PCNX4: variants seen among roughly 807,000 people sequenced by gnomAD.
The protein encoded by PCNX4 is pecanex 4.
In PCNX4, 103 loss-of-function variants were observed where a neutral mutation model predicts 107.2. That is an observed-to-expected ratio of 0.96 (90% CI 0.82 to 1.13). The LOEUF (loss-of-function observed/expected upper bound fraction) is 1.13, where lower values mean the gene tolerates loss of function less well. Among genes scored for constraint, PCNX4 ranks in the 50% most tolerant of loss-of-function variants. The pLI, the probability that PCNX4 is intolerant of heterozygous loss-of-function variation, is 0.00. For missense variants in PCNX4, 1,528 were observed against 1,379.4 expected (o/e 1.11, Z -1.71); for synonymous variants, 541 against 481.7 (o/e 1.12, Z -1.61).
intron 1 of PCNX4, among the ~76,000 whole-genome samples, chr14:60,095,190 A>G (rs754907017): frequency 5.9e-5 from 9 of 152,208 alleles, no homozygotes; most frequent in Non-Finnish European, 1.0e-4. Context: ...CACAATTGTC[A>G]TGTAAGAGGT....
chr14:60,120,697 A>G (rs1489217700), intron 7 of PCNX4, among the ~76,000 whole-genome samples: 2 of 152,214 alleles, frequency 1.3e-5, no homozygotes, highest in African/African-American at 2.4e-5. Context: ...GCTGTTTGCC[A>G]TAGATGTGGG....
At chr14:60,108,349 T>G (rs766379879) in intron 2 of PCNX4, 22 bp downstream of exon 2, 3 of 1,529,374 alleles carry the variant, frequency 2.0e-6, no homozygotes, top group Non-Finnish European at 2.7e-6. Flanking sequence ...CCAAATACTT[T>G]GTAACTAACT....
At chr14:60,113,524 A>C (rs1895779908) in intron 2 of PCNX4, among the ~76,000 whole-genome samples, 1 of 151,884 alleles carries the variant, frequency 6.6e-6, no homozygotes, top group Non-Finnish European at 1.5e-5. Flanking sequence ...ACCCACCACC[A>C]CACCCAGCTA....
intron 1 of PCNX4, among the ~76,000 whole-genome samples, chr14:60,103,159 T>G (rs1895565171): frequency 1.3e-5 from 2 of 152,180 alleles, no homozygotes; most frequent in Admixed American, 1.3e-4. Context: ...CCTCCTTAAC[T>G]GGCATACCCT....
intron 1 of PCNX4, among the ~76,000 whole-genome samples, chr14:60,097,498 G>C (rs761152383): frequency 6.6e-6 from 1 of 152,198 alleles, no homozygotes; most frequent in African/African-American, 2.4e-5. Flanking sequence ...GTAGCATTTT[G>C]CTTAATTATT....
chr14:60,117,642 C>T (rs1938004452), intron 6 of PCNX4, among the ~76,000 whole-genome samples: 1 of 152,152 alleles, frequency 6.6e-6, no homozygotes, highest in Admixed American at 6.5e-5. Context: ...ATATCCTTCT[C>T]TGGCCAGACA....
At position 60,118,477 on chromosome 14, in the gene PCNX4, T is replaced by C; in HGVS notation, c.1727T>C (p.Val576Ala). ...CILNIVFSPF[V>A]LVIIVFSTLL... is the part of the protein sequence containing the mutation. ...CTCAACATTGTCTTTTCTCCATTCG[T>C]GTTGGTCATCATAGTTTTTTCTACA... Residue 576 changes from valine (V) to alanine (A), a missense_variant, in exon 7 of 11, where the codon GTG becomes GCG. By Grantham distance (64) the Val-to-Ala change is moderately conservative (BLOSUM62 0). Coordinates refer to ENST00000406854, the MANE Select transcript of PCNX4 (RefSeq NM_001330177.2). 1 of 1,613,722 alleles carries C rather than the reference T, an allele frequency of 6.2e-7. No homozygotes were observed.
At chr14:60,106,349 G>A (rs1895628936) in intron 1 of PCNX4, among the ~76,000 whole-genome samples, 1 of 152,048 alleles carries the variant, frequency 6.6e-6, no homozygotes, top group Admixed American at 6.6e-5. Context: ...CTATGTAAAT[G>A]CTATATAAAT....
chr14:60,101,878 C>A (rs754458962), intron 1 of PCNX4, among the ~76,000 whole-genome samples: 2 of 152,048 alleles, frequency 1.3e-5, no homozygotes, highest in Non-Finnish European at 2.9e-5. Context: ...TATAGACATA[C>A]AACGGACTAT....
chr14:60,095,979 C>T (rs545276887), intron 1 of PCNX4, among the ~76,000 whole-genome samples: 1 of 152,168 alleles, frequency 6.6e-6, no homozygotes, highest in African/African-American at 2.4e-5. Context: ...CCTTTCAGTT[C>T]ATTGACATAT....
chr14:60,117,677 G>A (rs1457869219), intron 6 of PCNX4, among the ~76,000 whole-genome samples: 2 of 152,122 alleles, frequency 1.3e-5, no homozygotes, highest in Non-Finnish European at 2.9e-5. Context: ...TTTAATCCCA[G>A]CACTTTGGGA....
chr14:60,107,610 TG>T lies in PCNX4; in HGVS notation c.-28del, dbSNP rs772423354. The T allele has an allele frequency of 6.5e-7, 1 of 1,545,962 alleles. No individual in the cohort carries two copies. The highest frequency in any genetic ancestry group is 2.0e-5 in the Admixed American group (1 of 50,728). On this transcript the variant is annotated 5_prime_UTR_variant, in exon 2 of 11. An upstream start codon of the reference 5' UTR is lost. Transcript: ENST00000406854. The stretch of plus-strand genomic sequence containing the variant: ...GAAACTGCTGTGTTACAGAAAAGCA[TG>T]TGACTTTCAGAATAATCCCGAGTGA...
In PCNX4 at chr14:60,114,827, G is replaced by A. The variant is rs746699140; in HGVS notation, c.817G>A (p.Glu273Lys). ...CGATGCACTTCTCTTATGGGCAATG[G>A]AGCAGGTTTTAGAGTTCGGCCTTGG... ...PPDALLLWAM[E>K]QVLEFGLGGS... The change falls in exon 3 of 11, where the codon GAG becomes AAG. Residue 273 changes from glutamate to lysine, a missense_variant. Coordinates refer to ENST00000406854, the MANE Select transcript of PCNX4 (RefSeq NM_001330177.2). 6.2e-7 allele frequency: 1 copy of A among 1,613,794 alleles called. No homozygotes were observed. Among genetic ancestry groups the A allele is most frequent in the South Asian group, 1.1e-5 (1 of 91,056 alleles).
In PCNX4 at chr14:60,141,675, G is replaced by C. The variant is rs1896307672; in HGVS notation, c.*7454G>C. The C allele has an allele frequency of 6.6e-6, 1 of 152,182 alleles. No homozygotes were observed. The highest frequency in any genetic ancestry group is 6.5e-5 in the Admixed American group (1 of 15,280). The allele number at this position is 152,182 out of a possible 1,614,324, so 9.4% of individuals were successfully genotyped here. A position where few individuals can be genotyped will look rare whatever the true frequency, so the allele number is the denominator to read the frequency against. On this transcript the variant is annotated 3_prime_UTR_variant, in exon 11 of 11. Coordinates refer to ENST00000406854, the MANE Select transcript of PCNX4 (RefSeq NM_001330177.2). ...GACCCAGATGCCCTGGCTTCTTTGA[G>C]GTTCTTCCATGTTGTTTTATGTATC...
At position 60,136,826 on chromosome 14, in the gene PCNX4, G is replaced by A. The variant is rs532792379; in HGVS notation, c.*2605G>A. On this transcript the variant is annotated 3_prime_UTR_variant, in exon 11 of 11. Coordinates refer to ENST00000406854, the MANE Select transcript of PCNX4 (RefSeq NM_001330177.2). ...ACTTTGCCCAGCAAGATATGATAGG[G>A]ATATTTCTTAGGTTGGGCCTTTTTC... The A allele has an allele frequency of 1.3e-5, 2 of 152,570 alleles. No individual in the cohort carries two copies. The highest frequency in any genetic ancestry group is 2.9e-5 in the Non-Finnish European group (2 of 68,066). The allele number at this position is 152,570 out of a possible 1,614,324, so 9.5% of individuals were successfully genotyped here.
intron 1 of PCNX4, among the ~76,000 whole-genome samples, chr14:60,102,213 A>G (rs1369381028): frequency 1.3e-5 from 2 of 152,168 alleles, no homozygotes; most frequent in Non-Finnish European, 2.9e-5. Flanking sequence ...AGTAGATCTC[A>G]TGTTAGTGTT....
rs1896239617 is a variant in PCNX4, at chr14:60,136,314, T to C, written c.*2093T>C. On this transcript the variant is annotated 3_prime_UTR_variant, in exon 11 of 11. Transcript: ENST00000406854. ...TGCCTCTCCTCTTCTACCTGACCTC[T>C]AAATTTTAGAATTTCTCAACAATTG... 6.6e-6 allele frequency: 1 copy of C among 152,200 alleles called. No homozygotes were observed. Among genetic ancestry groups the C allele is most frequent in the South Asian group, 2.1e-4 (1 of 4,834 alleles). The allele number at this position is 152,200 out of a possible 1,614,324, so 9.4% of individuals were successfully genotyped here. A position where few individuals can be genotyped will look rare whatever the true frequency, so the allele number is the denominator to read the frequency against.
chr14:60,128,917 T>C (rs532385932), intron 10 of PCNX4, among the ~76,000 whole-genome samples: 2 of 152,244 alleles, frequency 1.3e-5, no homozygotes, highest in South Asian at 4.1e-4. Context: ...CATTTTTTTT[T>C]AAGGTTAACA....
Position 60,143,396 on chromosome 14 carries a change from A to G in PCNX4, c.*9175A>G, listed in dbSNP as rs1789989080. ...TAATGTTGTTATTCCAGTTTTCATC[A>G]CTGGTCACGCAAGAGTCCTCTCTTT... On this transcript the variant is annotated 3_prime_UTR_variant, in exon 11 of 11. Coordinates refer to ENST00000406854, the MANE Select transcript of PCNX4 (RefSeq NM_001330177.2). The G allele has an allele frequency of 6.6e-6, 1 of 152,076 alleles. No homozygotes were observed. The highest frequency in any genetic ancestry group is 2.1e-4 in the South Asian group (1 of 4,822). The allele number at this position is 152,076 out of a possible 1,614,324, so 9.4% of individuals were successfully genotyped here.
Sources: allele counts gnomAD v4.1 joint callset (sites outside exome capture counted in the v4.1 genomes callset), GRCh38; gene constraint gnomAD v4.1.1; transcripts MANE v1.5; gene names NCBI Gene and HGNC (gene_info 2026-07-23, HGNC 2026-07-21).